The following ARHGAP15 variants were observed in gnomAD, a reference collection of about 807,000 sequenced individuals.
ARHGAP15 encodes rho GTPase-activating protein 15.
In ARHGAP15, 51 loss-of-function variants were observed where a neutral mutation model predicts 63.7. The ratio of observed to expected loss-of-function variants is 0.80; its 90% confidence interval spans 0.64 to 1.01. The LOEUF is 1.01. Ranked by LOEUF, ARHGAP15 falls within the 50% of genes least tolerant of loss-of-function variation. The probability of loss-of-function intolerance (pLI) is 0.00; values close to 1 mark genes in which losing one functional copy is unlikely to be tolerated. For missense variants in ARHGAP15, 560 were observed against 564.6 expected (o/e 0.99, Z 0.08); for synonymous variants, 191 against 193.8 (o/e 0.99, Z 0.12).
chr2:143,697,777 TTTGTATCCAG>T (rs1293415507), intron 12 of ARHGAP15, among the ~76,000 whole-genome samples: 1 of 151,972 alleles, frequency 6.6e-6, no homozygotes, highest in African/African-American at 2.4e-5. Flanking sequence ...TCCTCAGAGG[TTTGTATCCAG>T]TTGTAAGGCA....
At chr2:143,291,666 T>G (rs1406173054) in intron 6 of ARHGAP15, among the ~76,000 whole-genome samples, 2 of 152,114 alleles carry the variant, frequency 1.3e-5, no homozygotes, top group Non-Finnish European at 2.9e-5. Context: ...TTGCCACTTT[T>G]GTTAAAACCT....
chr2:143,520,362 T>G (rs146158794), intron 10 of ARHGAP15, among the ~76,000 whole-genome samples: 30 of 152,306 alleles, frequency 2.0e-4, no homozygotes, highest in African/African-American at 6.7e-4. Flanking sequence ...TCCTGGAAAT[T>G]CATACTTTAA....
intron 10 of ARHGAP15, among the ~76,000 whole-genome samples, chr2:143,553,771 T>G (rs1324416824): frequency 6.6e-6 from 1 of 152,178 alleles, no homozygotes; most frequent in East Asian, 1.9e-4. Flanking sequence ...CTTCTTATAT[T>G]GTAACACTCT....
At chr2:143,605,856 T>TAAAAAAA (rs1697976875) in intron 11 of ARHGAP15, among the ~76,000 whole-genome samples, 1 of 10,516 alleles carries the variant, frequency 9.5e-5, no homozygotes, top group Admixed American at 1.5e-3. Flanking sequence ...TCTACTAAAA[T>TAAAAAAA]ACAAAAAAAA....
intron 9 of ARHGAP15, chr2:143,518,964 A>C (rs1168895485): frequency 5.1e-6 from 1 of 196,776 alleles, no homozygotes; most frequent in African/African-American, 2.4e-5. Context: ...AAATTTTCTC[A>C]ATTCTTTGTC....
chr2:143,519,499 G>C, intron 10 of ARHGAP15, 135 bp downstream of exon 10: 1 of 562,198 alleles, frequency 1.8e-6, no homozygotes, highest in Non-Finnish European at 3.1e-6. Flanking sequence ...CGGTTAAGAG[G>C]ATCATCTTTC....
At chr2:143,417,270 CTGA>C (rs1688731836) in intron 6 of ARHGAP15, among the ~76,000 whole-genome samples, 1 of 152,136 alleles carries the variant, frequency 6.6e-6, no homozygotes, top group South Asian at 2.1e-4. Context: ...TTATCTGTGC[CTGA>C]TGATCACACC....
chr2:143,226,452 G>C (rs1420323810), intron 4 of ARHGAP15, among the ~76,000 whole-genome samples: 1 of 152,194 alleles, frequency 6.6e-6, no homozygotes, highest in Admixed American at 6.5e-5. Flanking sequence ...TGTACTCCCT[G>C]ACCACGTATG....
intron 12 of ARHGAP15, among the ~76,000 whole-genome samples, chr2:143,649,400 C>T (rs1681052406): frequency 1.3e-5 from 2 of 151,930 alleles, no homozygotes; most frequent in Non-Finnish European, 2.9e-5. Context: ...AACAAAACTG[C>T]TTTCCTGACC....
At chr2:143,420,251 T>TG in intron 6 of ARHGAP15, among the ~76,000 whole-genome samples, 1 of 152,282 alleles carries the variant, frequency 6.6e-6, no homozygotes. Flanking sequence ...CTCATTTTTT[T>TG]GAGCCTGCAA....
chr2:143,379,668 G>A (rs1451937493), intron 6 of ARHGAP15, among the ~76,000 whole-genome samples: 1 of 151,820 alleles, frequency 6.6e-6, no homozygotes, highest in Non-Finnish European at 1.5e-5. Flanking sequence ...GTCAACTATA[G>A]AGAAAAGTGA....
chr2:143,525,998 T>A (rs756890780), intron 10 of ARHGAP15, among the ~76,000 whole-genome samples: 2 of 152,184 alleles, frequency 1.3e-5, no homozygotes, highest in African/African-American at 2.4e-5. Context: ...CATAGGTACC[T>A]GATACCTGCT....
At chr2:143,660,709 A>G (rs1481135468) in intron 12 of ARHGAP15, among the ~76,000 whole-genome samples, 2 of 152,220 alleles carry the variant, frequency 1.3e-5, no homozygotes, top group Non-Finnish European at 2.9e-5. Context: ...CTTAAAGAAA[A>G]GATTGGGCTT....
chr2:143,196,037 T>C (rs1691874166), intron 2 of ARHGAP15, among the ~76,000 whole-genome samples: 1 of 152,164 alleles, frequency 6.6e-6, no homozygotes, highest in Non-Finnish European at 1.5e-5. Context: ...ACTTTTTAAT[T>C]CCTCTTTTTG....
intron 12 of ARHGAP15, among the ~76,000 whole-genome samples, chr2:143,667,598 A>ATT (rs1682287963): frequency 6.6e-6 from 1 of 151,570 alleles, no homozygotes; most frequent in Non-Finnish European, 1.5e-5. Flanking sequence ...AAAAAAAAAA[A>ATT]AAAAAGAAAA....
intron 12 of ARHGAP15, among the ~76,000 whole-genome samples, chr2:143,703,197 T>A (rs551286579): frequency 6.6e-6 from 1 of 152,288 alleles, no homozygotes; most frequent in South Asian, 2.1e-4. Flanking sequence ...GCTAATCAGT[T>A]CATACACAGC....
intron 6 of ARHGAP15, among the ~76,000 whole-genome samples, chr2:143,270,045 T>C (rs1313965266): frequency 6.6e-6 from 1 of 151,974 alleles, no homozygotes; most frequent in East Asian, 1.9e-4. Context: ...TGATCTCGGC[T>C]CACTGCAACC....
intron 6 of ARHGAP15, among the ~76,000 whole-genome samples, chr2:143,312,698 C>T (rs558228658): frequency 3.3e-5 from 5 of 152,090 alleles, no homozygotes; most frequent in South Asian, 2.1e-4. Flanking sequence ...TCTTTTAATA[C>T]GCTAATTCTA....
chr2:143,369,394 A>G (rs1380296946), intron 6 of ARHGAP15, among the ~76,000 whole-genome samples: 1 of 152,142 alleles, frequency 6.6e-6, no homozygotes, highest in African/African-American at 2.4e-5. Flanking sequence ...TATATAAAAT[A>G]TATTTTCTGC....
Sources: allele counts gnomAD v4.1 joint callset (sites outside exome capture counted in the v4.1 genomes callset), GRCh38; gene constraint gnomAD v4.1.1; transcripts MANE v1.5; gene names NCBI Gene and HGNC (gene_info 2026-07-23, HGNC 2026-07-21).